SAMD12: variants seen among roughly 807,000 people sequenced by gnomAD.
SAMD12 encodes sterile alpha motif domain-containing protein 12.
SAMD12 carries 9 observed loss-of-function variants against 15.0 expected under a neutral mutation model. The observed-to-expected ratio is 0.60, with a 90% CI of 0.36 to 1.05. The LOEUF is 1.05. SAMD12 is among the 50% of genes least tolerant of loss of function. SAMD12 has a pLI of 0.01. For missense variants in SAMD12, 230 were observed against 234.2 expected (o/e 0.98, Z 0.12); for synonymous variants, 86 against 90.1 (o/e 0.96, Z 0.25).
chr8:118,307,207 C>T (rs1254076299), intron 4 of SAMD12, among the ~76,000 whole-genome samples: 1 of 152,208 alleles, frequency 6.6e-6, no homozygotes, highest in Non-Finnish European at 1.5e-5. Flanking sequence ...GCCAAGCATA[C>T]ATAAATCTCA....
the SAMD12 span, among the ~76,000 whole-genome samples, chr8:118,155,422 G>A: frequency 6.6e-6 from 1 of 152,184 alleles, no homozygotes; most frequent in Non-Finnish European, 1.5e-5. Context: ...GTTCTGTATA[G>A]TTTTATTCAG....
At chr8:118,618,700 C>T (rs1342854710) in intron 1 of SAMD12, among the ~76,000 whole-genome samples, 2 of 151,842 alleles carry the variant, frequency 1.3e-5, no homozygotes, top group East Asian at 3.9e-4. Flanking sequence ...ATCAGCCGGG[C>T]GTGGTAGCAG....
intron 4 of SAMD12, among the ~76,000 whole-genome samples, chr8:118,225,252 T>C (rs1812163286): frequency 6.6e-6 from 1 of 152,198 alleles, no homozygotes. Flanking sequence ...TTCATTCATT[T>C]ATTCCCCTTA....
At chr8:118,309,861 C>G (rs1005253356) in intron 4 of SAMD12, among the ~76,000 whole-genome samples, 38 of 152,172 alleles carry the variant, frequency 2.5e-4, no homozygotes, top group African/African-American at 8.7e-4. Flanking sequence ...ACATTAATTC[C>G]TCTCTCCCTA....
At chr8:118,237,857 T>C (rs2129953479) in intron 4 of SAMD12, among the ~76,000 whole-genome samples, 1 of 152,272 alleles carries the variant, frequency 6.6e-6, no homozygotes. Flanking sequence ...TCCTCCTTCC[T>C]TTTCTCCCTC....
chr8:118,603,681 C>T (rs989060394), intron 1 of SAMD12, among the ~76,000 whole-genome samples: 1 of 152,114 alleles, frequency 6.6e-6, no homozygotes, highest in African/African-American at 2.4e-5. Flanking sequence ...GAAACTAACA[C>T]AAAGGCAAGA....
chr8:118,398,714 T>C (rs976477533), intron 3 of SAMD12, among the ~76,000 whole-genome samples: 4 of 151,858 alleles, frequency 2.6e-5, no homozygotes, highest in South Asian at 2.1e-4. Flanking sequence ...GAAGAGAGAG[T>C]TGGATTAAAA....
rs1014413129 is a variant in SAMD12 at position 118,440,419 on chromosome 8, T to C, written c.193-458A>G. Among the ~76,000 whole-genome samples the C allele has an allele frequency of 5.9e-5, 9 of 152,262 alleles. No individual in the cohort carries two copies. The East Asian group carries it at 1.7e-3, about 29-fold the overall frequency. On this transcript the variant is annotated intron_variant, in intron 2 of 3. Coordinates refer to ENST00000314727, the MANE Select transcript of SAMD12 (RefSeq NM_207506.3). ...TAATATTTTTAGGAACGAATGTTAC[T>C]GGATTTAGATAACTGTATACTAAGA...
Position 118,589,683 on chromosome 8 carries a change from T to C in SAMD12, c.14-8790A>G, listed in dbSNP as rs369486235. Among the ~76,000 whole-genome samples, 42 of 152,274 alleles carry C rather than the reference T, an allele frequency of 2.8e-4. No individual in the cohort carries two copies. In the East Asian group the frequency reaches 4.1e-3, roughly 15 times the overall value. On this transcript the variant is annotated intron_variant, in intron 1 of 3. Transcript: ENST00000314727. ...GGGATTCAGGTATCACTTTGAGAGA[T>C]TGATAAGTGGTCTACACTGGTGACT... is the stretch of plus-strand genomic sequence containing the variant.
chr8:118,532,517 C>A (rs1825719337), intron 2 of SAMD12, among the ~76,000 whole-genome samples: 2 of 152,276 alleles, frequency 1.3e-5, no homozygotes, highest in South Asian at 4.1e-4. Flanking sequence ...GGCATGGTAC[C>A]AGCTCCTCTT....
chr8:118,556,006 G>A (rs1826518681), intron 2 of SAMD12, among the ~76,000 whole-genome samples: 1 of 152,176 alleles, frequency 6.6e-6, no homozygotes. Flanking sequence ...TATTAAACTG[G>A]CTTAGAAAAA....
intron 2 of SAMD12, among the ~76,000 whole-genome samples, chr8:118,536,443 A>AACACACACACACACACACAC (rs1165508519): frequency 1.6e-4 from 23 of 140,778 alleles, no homozygotes; most frequent in Non-Finnish European, 3.2e-4. Context: ...CTGATACACA[A>AACACACACACACACACACAC]ACACACACAC....
At position 118,500,022 on chromosome 8, in the gene SAMD12, G is replaced by A. The variant is rs749294840; in HGVS notation, c.193-60061C>T. On this transcript the variant is annotated intron_variant, in intron 2 of 3. Coordinates refer to ENST00000314727, the MANE Select transcript of SAMD12 (RefSeq NM_207506.3). Reference sequence around the variant, plus strand: ...ATCTGTACGGTCCCCCCACATACATGAAGATGTTGATCTGCTCCCCAGGAT... The same window carrying A: ...ATCTGTACGGTCCCCCCACATACATAAAGATGTTGATCTGCTCCCCAGGAT... Among the ~76,000 whole-genome samples, 279 of 143,258 alleles carry A rather than the reference G, an allele frequency of 1.9e-3. 1 individual carries two copies. The highest frequency in any genetic ancestry group is 3.4e-3 in the Non-Finnish European group (225 of 66,176). 94.0% of individuals were successfully genotyped at this position (143,258 alleles called of 152,430 possible). A position where few individuals can be genotyped will look rare whatever the true frequency, so the allele number is the denominator to read the frequency against.
intron 3 of SAMD12, among the ~76,000 whole-genome samples, chr8:118,426,931 CT>C (rs1270426258): frequency 6.6e-6 from 1 of 152,138 alleles, no homozygotes; most frequent in Non-Finnish European, 1.5e-5. Flanking sequence ...AAAATGCTTT[CT>C]GCAATTTAAC....
intron 4 of SAMD12, chr8:118,282,185 T>A (rs1223191983): frequency 7.1e-6 from 3 of 419,910 alleles, no homozygotes; most frequent in Admixed American, 5.6e-5. Context: ...TTACTTCCCT[T>A]TTTTCTTTTC....
intron 4 of SAMD12, among the ~76,000 whole-genome samples, chr8:118,200,979 C>G (rs1819699361): frequency 1.3e-5 from 2 of 152,138 alleles, no homozygotes; most frequent in African/African-American, 2.4e-5. Context: ...ACCACTACAC[C>G]CAGCTACACA....
intron 4 of SAMD12, among the ~76,000 whole-genome samples, chr8:118,207,453 C>A (rs1187886127): frequency 6.6e-6 from 1 of 152,096 alleles, no homozygotes; most frequent in Non-Finnish European, 1.5e-5. Context: ...GCCCATTGAA[C>A]CTTCCAGAGG....
chr8:118,238,277 G>A (rs1170094705), intron 4 of SAMD12, among the ~76,000 whole-genome samples: 4 of 151,926 alleles, frequency 2.6e-5, no homozygotes, highest in African/African-American at 9.7e-5. Context: ...AATATTTTTG[G>A]TCTCAAGTCT....
At chr8:118,247,754 G>A (rs535936143) in intron 4 of SAMD12, among the ~76,000 whole-genome samples, 2 of 151,998 alleles carry the variant, frequency 1.3e-5, no homozygotes, top group African/African-American at 4.8e-5. Flanking sequence ...CACCACTCCT[G>A]ACTAATTTTT....
Sources: gnomAD v4.1 joint callset for allele counts (sites outside exome capture counted in the v4.1 genomes callset) on GRCh38, gnomAD v4.1.1 for gene constraint, MANE v1.5 for transcripts, NCBI Gene and HGNC (gene_info 2026-07-23, HGNC 2026-07-21) for gene names.